GPM6B: variants seen among roughly 807,000 people sequenced by gnomAD.
The protein encoded by GPM6B is glycoprotein M6B.
Under a neutral mutation model 27.2 loss-of-function variants are expected in GPM6B, and 4 were observed. That is an observed-to-expected ratio of 0.15 (90% CI 0.07 to 0.34). The LOEUF (loss-of-function observed/expected upper bound fraction) is 0.34, where lower values mean the gene tolerates loss of function less well. GPM6B is among the 10% of genes least tolerant of loss of function. The probability of loss-of-function intolerance (pLI) is 1.00; values close to 1 mark genes in which losing one functional copy is unlikely to be tolerated. For missense variants in GPM6B, 183 were observed against 261.9 expected (o/e 0.70, Z 2.08); for synonymous variants, 124 against 103.1 (o/e 1.20, Z -1.23).
rs151336594 is a variant in GPM6B, at chrX:13,868,119, A to C, written c.-198+70208T>G. Among the ~76,000 whole-genome samples, 557 of 111,711 alleles carry C rather than the reference A, an allele frequency of 5.0e-3. 5 individuals are homozygous for C. Among genetic ancestry groups the C allele is most frequent in the African/African-American group, 0.017 (531 of 30,717 alleles). On this transcript the variant is annotated intron_variant, in intron 1 of 6. Transcript: ENST00000398361. ...ATTTCACATTCAGGTGAAACACCAG[A>C]ATATGGAGAAAGTTTCAAGCTGGGG...
intron 1 of GPM6B, among the ~76,000 whole-genome samples, chrX:13,814,684 T>G (rs369489901): frequency 5.4e-5 from 6 of 112,064 alleles, no homozygotes; most frequent in African/African-American, 1.9e-4. Flanking sequence ...AACTACAAAG[T>G]GTCTTGTGTG....
At chrX:13,820,472 T>G (rs1164633831), upstream of GPM6B, among the ~76,000 whole-genome samples, 1 of 110,812 alleles carries the variant, frequency 9.0e-6, no homozygotes, top group Non-Finnish European at 1.9e-5. Context: ...CTGCAGGGAC[T>G]AAGAGGCATT....
Position 13,771,238 on chromosome X carries a change from G to A in GPM6B, c.*1643C>T, listed in dbSNP as rs1304068996. On this transcript the variant is annotated 3_prime_UTR_variant, in exon 8 of 8. Coordinates refer to ENST00000316715, the MANE Select transcript of GPM6B (RefSeq NM_001001995.3). ...TACCAGAATTAGAAAAGTAAAATTA[G>A]GCTTTAGACACTGCCTCTTCTAGAA... 1.8e-5 allele frequency: 2 copies of A among 111,490 alleles called. No homozygotes were observed. The highest frequency in any genetic ancestry group is 9.5e-5 in the Admixed American group (1 of 10,474). 9.2% of individuals were successfully genotyped at this position (111,490 alleles called of 1,213,427 possible). A position where few individuals can be genotyped will look rare whatever the true frequency, so the allele number is the denominator to read the frequency against.
chrX:13,906,209 A>G (rs1348054132), intron 1 of GPM6B, among the ~76,000 whole-genome samples: 3 of 111,986 alleles, frequency 2.7e-5, no homozygotes, highest in Non-Finnish European at 5.6e-5. Context: ...TTTTTTGTTC[A>G]TGCACCTCCT....
intron 1 of GPM6B, among the ~76,000 whole-genome samples, chrX:13,923,998 T>C (rs1227373238): frequency 1.2e-4 from 14 of 112,492 alleles, no homozygotes; most frequent in Admixed American, 1.2e-3. Flanking sequence ...AGTGGCACTG[T>C]GGGTCTTCCA....
intron 7 of GPM6B, chrX:13,773,308 T>G: frequency 5.6e-6 from 1 of 177,203 alleles, no homozygotes; most frequent in Non-Finnish European, 9.4e-6. Context: ...TACGAGAGGG[T>G]GCTTTTTTTT....
chrX:13,896,136 G>C (rs1335943758), intron 1 of GPM6B, among the ~76,000 whole-genome samples: 2 of 98,916 alleles, frequency 2.0e-5, no homozygotes, highest in East Asian at 6.7e-4. Flanking sequence ...TCCTGGGTGA[G>C]TGTAGTGTCA....
At chrX:13,844,431 T>C (rs1320649263) in intron 1 of GPM6B, among the ~76,000 whole-genome samples, 1 of 112,338 alleles carries the variant, frequency 8.9e-6, no homozygotes, top group African/African-American at 3.2e-5. Flanking sequence ...TGGCAAAAAC[T>C]TTTAGTGCCT....
chrX:13,800,603 G>A (rs2048903758), intron 2 of GPM6B, among the ~76,000 whole-genome samples: 1 of 112,260 alleles, frequency 8.9e-6, no homozygotes, highest in African/African-American at 3.2e-5. Context: ...TGCTAAGGAT[G>A]TGGAGGTTTG....
At chrX:13,879,088 G>A (rs998544529) in intron 1 of GPM6B, among the ~76,000 whole-genome samples, 4 of 112,030 alleles carry the variant, frequency 3.6e-5, no homozygotes, top group African/African-American at 9.7e-5. Flanking sequence ...GTCTTAGAGC[G>A]GCCACAGGAA....
chrX:13,930,568 C>T lies in GPM6B; in HGVS notation c.-198+7759G>A, dbSNP rs7052824. Among the ~76,000 whole-genome samples the T allele has an allele frequency of 8.2e-3, 900 of 109,796 alleles. 7 individuals carry two copies. The highest frequency in any genetic ancestry group is 0.027 in the African/African-American group (827 of 30,127). ...GGTGAAGCTTGCAGTAAGCCGAGAT[C>T]GTGCCACTGCACTCCAGCCTGGGTA... On this transcript the variant is annotated intron_variant, in intron 1 of 6. Coordinates refer to the GPM6B transcript ENST00000398361.
In GPM6B at chrX:13,782,990, A is replaced by C. The variant is rs1208403568; in HGVS notation, c.525+375T>G. Among the ~76,000 whole-genome samples, 4 of 111,408 alleles carry C rather than the reference A, an allele frequency of 3.6e-5. No individual in the cohort carries two copies. The East Asian group carries it at 1.1e-3, about 32-fold the overall frequency. ...AAGTATTTACAGAAGGATCAGGACG[A>C]TTTTCCATGGTTCATGTATGTCTTT... On this transcript the variant is annotated intron_variant, in intron 4 of 7. Transcript: ENST00000316715.
At chrX:13,842,111 C>G (rs1290368609) in intron 1 of GPM6B, among the ~76,000 whole-genome samples, 1 of 111,831 alleles carries the variant, frequency 8.9e-6, no homozygotes, top group Non-Finnish European at 1.9e-5. Flanking sequence ...CGACTTTGAT[C>G]TCTCATGGAA....
chrX:13,782,068 C>T (rs1250871911), intron 4 of GPM6B, among the ~76,000 whole-genome samples: 1 of 111,840 alleles, frequency 8.9e-6, no homozygotes, highest in Admixed American at 9.5e-5. Context: ...CTTCCTCACA[C>T]CCTCCAAGGC....
intron 1 of GPM6B, among the ~76,000 whole-genome samples, chrX:13,829,125 C>T (rs904168627): frequency 1.8e-5 from 2 of 111,905 alleles, no homozygotes; most frequent in African/African-American, 6.5e-5. Context: ...TATTCCATCA[C>T]TTGCAACTAT....
chrX:13,810,745 A>T (rs1278199051), intron 1 of GPM6B, among the ~76,000 whole-genome samples: 89 of 80,991 alleles, frequency 1.1e-3, no homozygotes, highest in Middle Eastern at 5.6e-3. Context: ...TTCAGGATTT[A>T]AAAAAAAAAA....
intron 3 of GPM6B, 113 bp from the exon 4 acceptor site, chrX:13,783,634 G>A (rs1018751919): frequency 1.2e-5 from 8 of 647,258 alleles, no homozygotes; most frequent in Non-Finnish European, 1.9e-5. Context: ...TGCGTCACTC[G>A]CCCCACTGAT....
At chrX:13,853,182 G>T (rs1020278981) in intron 1 of GPM6B, among the ~76,000 whole-genome samples, 7 of 111,028 alleles carry the variant, frequency 6.3e-5, no homozygotes, top group Non-Finnish European at 1.3e-4. Context: ...ATTCACTTAG[G>T]TACCTGCGTC....
At chrX:13,876,954 ATGCAAG>A (rs1474137913) in intron 1 of GPM6B, among the ~76,000 whole-genome samples, 2 of 111,359 alleles carry the variant, frequency 1.8e-5, no homozygotes, top group Non-Finnish European at 3.8e-5. Context: ...GCTGTAGTTC[ATGCAAG>A]TGCACAGACA....
Sources: allele counts gnomAD v4.1 joint callset (sites outside exome capture counted in the v4.1 genomes callset), GRCh38; gene constraint gnomAD v4.1.1; transcripts MANE v1.5; gene names NCBI Gene and HGNC (gene_info 2026-07-23, HGNC 2026-07-21).